Variants in PTPRG observed in about 807,000 individuals in gnomAD.
PTPRG encodes the protein protein tyrosine phosphatase receptor type G, also known as receptor-type tyrosine-protein phosphatase gamma.
Under a neutral mutation model 165.3 loss-of-function variants are expected in PTPRG, and 102 were observed. The ratio of observed to expected loss-of-function variants is 0.62; its 90% CI spans 0.53 to 0.73. The LOEUF is 0.73. PTPRG is among the 30% of genes least tolerant of loss of function. The probability of loss-of-function intolerance (pLI) is 0.00; values close to 1 mark genes in which losing one functional copy is unlikely to be tolerated. For missense variants in PTPRG, 1,866 were observed against 1,861.4 expected (o/e 1.00, Z -0.05); for synonymous variants, 675 against 669.5 (o/e 1.01, Z -0.13).
At chr3:62,184,838 C>T (rs1042751231) in intron 8 of PTPRG, among the ~76,000 whole-genome samples, 1 of 152,208 alleles carries the variant, frequency 6.6e-6, no homozygotes, top group African/African-American at 2.4e-5. Flanking sequence ...AGTACTGTCT[C>T]TTTGACTCCT....
At chr3:61,922,080 C>A (rs942532244) in intron 2 of PTPRG, among the ~76,000 whole-genome samples, 1 of 152,188 alleles carries the variant, frequency 6.6e-6, no homozygotes, top group Non-Finnish European at 1.5e-5. Flanking sequence ...GTTGAGTTTC[C>A]TTCTGCAGGC....
chr3:61,595,840 C>A (rs1700687957), intron 1 of PTPRG, among the ~76,000 whole-genome samples: 1 of 152,134 alleles, frequency 6.6e-6, no homozygotes, highest in Non-Finnish European at 1.5e-5. Context: ...TTTTATACTT[C>A]TGTTTCTCTC....
At chr3:61,948,146 G>A (rs1041190129) in intron 2 of PTPRG, among the ~76,000 whole-genome samples, 1 of 152,100 alleles carries the variant, frequency 6.6e-6, no homozygotes, top group Non-Finnish European at 1.5e-5. Context: ...CCAACTTAGA[G>A]AAACCCGGTC....
chr3:61,632,414 C>G (rs6782914), intron 1 of PTPRG, among the ~76,000 whole-genome samples: 23,094 of 152,182 alleles, frequency 0.15, 2,280 homozygotes, highest in African/African-American at 0.28. Context: ...AGTATGAAAG[C>G]AGGTTGACAG....
intron 10 of PTPRG, among the ~76,000 whole-genome samples, chr3:62,200,791 T>G (rs750955175): frequency 4.6e-5 from 7 of 152,156 alleles, no homozygotes; most frequent in African/African-American, 7.2e-5. Flanking sequence ...GGAATAAAAA[T>G]ATAACAGTAC....
chr3:61,921,280 TGAA>T (rs1208864215), intron 2 of PTPRG, among the ~76,000 whole-genome samples: 2 of 152,176 alleles, frequency 1.3e-5, no homozygotes, highest in Non-Finnish European at 2.9e-5. Flanking sequence ...TAAATCTTGT[TGAA>T]GAGCTGTTGA....
intron 6 of PTPRG, among the ~76,000 whole-genome samples, chr3:62,145,566 C>T (rs1023812471): frequency 1.3e-4 from 20 of 151,188 alleles, no homozygotes; most frequent in Non-Finnish European, 2.2e-4. Flanking sequence ...ATGATGATGA[C>T]GAAGATGATT....
intron 5 of PTPRG, among the ~76,000 whole-genome samples, chr3:62,114,281 C>T (rs959644473): frequency 1.3e-5 from 2 of 151,904 alleles, no homozygotes; most frequent in Admixed American, 6.5e-5. Context: ...CCTGGGCAAC[C>T]GAGTGAGACT....
At chr3:62,076,084 T>A (rs1701371247) in intron 4 of PTPRG, among the ~76,000 whole-genome samples, 1 of 152,162 alleles carries the variant, frequency 6.6e-6, no homozygotes. Flanking sequence ...TAAACCAGCC[T>A]GGGCAACATA....
At chr3:61,987,376 G>T (rs1041506397) in intron 2 of PTPRG, among the ~76,000 whole-genome samples, 1 of 152,172 alleles carries the variant, frequency 6.6e-6, no homozygotes, top group Non-Finnish European at 1.5e-5. Flanking sequence ...TTTATAGAGT[G>T]ATAAATTGTA....
intron 4 of PTPRG, among the ~76,000 whole-genome samples, chr3:62,043,551 C>T (rs1193816060): frequency 1.3e-5 from 2 of 152,082 alleles, no homozygotes; most frequent in Non-Finnish European, 2.9e-5. Context: ...TTTAAAAGGG[C>T]AGATAAAATA....
At chr3:61,794,608 G>A (rs966469872) in intron 2 of PTPRG, among the ~76,000 whole-genome samples, 5 of 152,202 alleles carry the variant, frequency 3.3e-5, no homozygotes, top group Non-Finnish European at 7.3e-5. Flanking sequence ...TTACACCAGA[G>A]CAGATTGCTG....
intron 5 of PTPRG, 137 bp downstream of exon 5, chr3:62,078,395 A>G (rs1019711860): frequency 3.3e-6 from 2 of 602,822 alleles, no homozygotes; most frequent in Admixed American, 3.8e-5. Flanking sequence ...CATATTGTCT[A>G]ATGTGTGATT....
At chr3:61,681,054 T>TAA (rs61198100) in intron 1 of PTPRG, among the ~76,000 whole-genome samples, 3,465 of 65,914 alleles carry the variant, frequency 0.053, 196 homozygotes, top group South Asian at 0.15. Flanking sequence ...CTTTATGTTC[T>TAA]AAAAAAAAAA....
chr3:61,850,422 A>G (rs190136268), intron 2 of PTPRG, among the ~76,000 whole-genome samples: 58 of 152,314 alleles, frequency 3.8e-4, no homozygotes, highest in Non-Finnish European at 6.8e-4. Context: ...TGGCCTCCCA[A>G]AGTGCTGGGA....
intron 8 of PTPRG, among the ~76,000 whole-genome samples, chr3:62,184,236 A>G (rs1705779416): frequency 6.6e-6 from 1 of 152,158 alleles, no homozygotes; most frequent in Non-Finnish European, 1.5e-5. Context: ...CCAGCTAGAA[A>G]TGATTCAGAT....
chr3:61,828,188 G>C (rs1031807213), intron 2 of PTPRG, among the ~76,000 whole-genome samples: 1 of 151,968 alleles, frequency 6.6e-6, no homozygotes, highest in Admixed American at 6.6e-5. Flanking sequence ...TATTCTAAGC[G>C]TTTCTACGAA....
chr3:61,578,746 A>G (rs2106790960), intron 1 of PTPRG, among the ~76,000 whole-genome samples: 1 of 152,356 alleles, frequency 6.6e-6, no homozygotes, highest in East Asian at 1.9e-4. Context: ...CCACAGGCCA[A>G]GGAAATGGGC....
intron 12 of PTPRG, among the ~76,000 whole-genome samples, chr3:62,212,423 A>T (rs1700380676): frequency 6.6e-6 from 1 of 152,200 alleles, no homozygotes; most frequent in African/African-American, 2.4e-5. Context: ...AATTGGAGAA[A>T]GCTGCTTTGT....
Sources: allele counts gnomAD v4.1 joint callset (sites outside exome capture counted in the v4.1 genomes callset), GRCh38; gene constraint gnomAD v4.1.1; transcripts MANE v1.5; gene names NCBI Gene and HGNC (gene_info 2026-07-23, HGNC 2026-07-21).